Variants in ELMO2 observed in about 807,000 individuals in gnomAD.
ELMO2 encodes engulfment and cell motility protein 2.
In ELMO2, 37 loss-of-function variants were observed where a neutral mutation model predicts 96.2. The observed-to-expected ratio is 0.38, with a 90% CI of 0.30 to 0.51. The LOEUF is 0.51. Ranked by LOEUF, ELMO2 falls within the 20% of genes least tolerant of loss-of-function variation. The probability of loss-of-function intolerance (pLI) is 0.88; values close to 1 mark genes in which losing one functional copy is unlikely to be tolerated. For synonymous variants in ELMO2, 315 were observed against 329.4 expected (o/e 0.96, Z 0.47); for missense variants, 561 against 912.6 (o/e 0.61, Z 4.96).
At chr20:46,405,642 C>T (rs1228072518) in intron 1 of ELMO2, among the ~76,000 whole-genome samples, 8 of 152,146 alleles carry the variant, frequency 5.3e-5, no homozygotes, top group Admixed American at 3.3e-4. Context: ...AATCCCAGCA[C>T]TCTGGGAGGC....
intron 1 of ELMO2, among the ~76,000 whole-genome samples, chr20:46,405,049 A>C (rs1307136739): frequency 6.6e-6 from 1 of 152,094 alleles, no homozygotes; most frequent in Non-Finnish European, 1.5e-5. Flanking sequence ...GCATCTATTT[A>C]TTTGGTAAAT....
intron 10 of ELMO2, among the ~76,000 whole-genome samples, chr20:46,382,746 A>T (rs914281405): frequency 9.2e-5 from 14 of 152,220 alleles, no homozygotes; most frequent in African/African-American, 3.4e-4. Context: ...TTCCTCAGAC[A>T]TCCTTGTGAG....
intron 1 of ELMO2, among the ~76,000 whole-genome samples, chr20:46,403,036 G>A (rs760130491): frequency 6.6e-6 from 1 of 152,200 alleles, no homozygotes; most frequent in Non-Finnish European, 1.5e-5. Flanking sequence ...ACTCTACCCC[G>A]TAAAGCTGTT....
intron 16 of ELMO2, 108 bp downstream of exon 16, chr20:46,373,291 C>T (rs556795977): frequency 1.0e-5 from 15 of 1,498,456 alleles, no homozygotes; most frequent in Admixed American, 1.9e-5. Flanking sequence ...GTTCTGCAGA[C>T]CAAGCTGCTT....
intron 2 of ELMO2, among the ~76,000 whole-genome samples, chr20:46,396,018 C>A (rs1243018841): frequency 5.9e-5 from 9 of 152,354 alleles, no homozygotes; most frequent in East Asian, 5.8e-4. Flanking sequence ...TTTGAGCCAG[C>A]CTCAACTTCT....
intron 10 of ELMO2, chr20:46,382,316 G>C: frequency 7.9e-7 from 1 of 1,267,298 alleles, no homozygotes; most frequent in Non-Finnish European, 1.0e-6. Context: ...CAAGGACCGG[G>C]AAGGCAGATT....
In ELMO2 at chr20:46,368,934, T is replaced by A; in HGVS notation, c.1919A>T (p.Asp640Val). 3 of 1,614,190 alleles carry A rather than the reference T, an allele frequency of 1.9e-6. No individual in the cohort carries two copies. Among genetic ancestry groups the A allele is most frequent in the Non-Finnish European group, 2.5e-6 (3 of 1,180,028 alleles). ...GATGAAGTTTAAGGTCTCATCAGGG[T>A]CATACAGGATGGAGAAGGCCAATTC... ...VLELAFSILYDPDETLNFIAP... is the reference protein window; with the variant it reads ...VLELAFSILYVPDETLNFIAP... The change falls in exon 21 of 22, where the codon GAC becomes GTC. Residue 640 changes from aspartate to valine, a missense_variant. Transcript: ENST00000290246.
chr20:46,387,235 A>C (rs1174905357), intron 8 of ELMO2, 103 bp downstream of exon 8: 8 of 939,994 alleles, frequency 8.5e-6, no homozygotes, highest in Admixed American at 7.4e-5. Flanking sequence ...CAGGGAATAT[A>C]AAGCTGATCT....
At chr20:46,370,661 C>T (rs1568746493) in intron 19 of ELMO2, 136 bp from the exon 20 acceptor site, 5 of 793,770 alleles carry the variant, frequency 6.3e-6, no homozygotes, top group Non-Finnish European at 1.1e-5. Context: ...GCTGTATGAG[C>T]TCAGTGAGGG....
At chr20:46,393,305 T>G (rs1358695839) in intron 5 of ELMO2, among the ~76,000 whole-genome samples, 162 bp from the exon 6 acceptor site, 1 of 152,214 alleles carries the variant, frequency 6.6e-6, no homozygotes, top group African/African-American at 2.4e-5. Flanking sequence ...AAAGAATTTC[T>G]AAGATCCTCC....
intron 2 of ELMO2, among the ~76,000 whole-genome samples, chr20:46,395,692 C>A (rs534398991): frequency 3.3e-5 from 5 of 152,354 alleles, no homozygotes; most frequent in African/African-American, 1.2e-4. Context: ...CCCACAAGCC[C>A]ATCGGCCTCA....
Position 46,371,864 on chromosome 20 carries a change from G to C in ELMO2, c.1522C>G (p.Leu508Val), listed in dbSNP as rs747728081. ...KLRSLSYSEI[L>V]RLRQSERMSQ... ...ATCCTCTCAGACTGGCGCAGTCGTAGAATCTCAGAGTAACTCAGGCTACGC... is the reference window on the plus strand; with the variant it reads ...ATCCTCTCAGACTGGCGCAGTCGTACAATCTCAGAGTAACTCAGGCTACGC... The change falls in exon 17 of 22, where the codon CTA (leucine) becomes GTA (valine). Residue 508 changes from leucine (L) to valine (V), a missense_variant. By Grantham distance (32) the Leu-to-Val change is conservative. Coordinates refer to ENST00000290246, the MANE Select transcript of ELMO2 (RefSeq NM_133171.5). This position sits in a 1 kb window ranked among gnomAD's most constrained non-coding sequence, Gnocchi z 5.9. The C allele has an allele frequency of 6.2e-7, 1 of 1,614,264 alleles. No individual in the cohort carries two copies. The highest frequency in any genetic ancestry group is 8.5e-7 in the Non-Finnish European group (1 of 1,180,046).
At chr20:46,386,633 C>A (rs2060049613) in intron 8 of ELMO2, among the ~76,000 whole-genome samples, 1 of 152,196 alleles carries the variant, frequency 6.6e-6, no homozygotes, top group African/African-American at 2.4e-5. Context: ...GACACACACT[C>A]CCCCTAAACA....
intron 10 of ELMO2, among the ~76,000 whole-genome samples, chr20:46,381,723 C>T (rs1011394262): frequency 2.0e-5 from 3 of 152,154 alleles, no homozygotes; most frequent in Non-Finnish European, 2.9e-5. Context: ...TTCATCTCCT[C>T]GCAAAGCTGA....
chr20:46,387,626 T>A, intron 7 of ELMO2, 189 bp from the exon 8 acceptor site: 1 of 183,862 alleles, frequency 5.4e-6, no homozygotes, highest in Admixed American at 1.1e-4. Context: ...CAGGTATCTA[T>A]CGCTGCAAAA....
At chr20:46,373,027 C>G (rs1568750915) in intron 16 of ELMO2, 1 of 189,714 alleles carries the variant, frequency 5.3e-6, no homozygotes, top group Non-Finnish European at 1.1e-5. Context: ...GCACATCATG[C>G]CAGTCCACTC....
At chr20:46,379,818 T>G (rs2059924646) in intron 11 of ELMO2, 1 of 157,020 alleles carries the variant, frequency 6.4e-6, no homozygotes, top group Non-Finnish European at 1.4e-5. Context: ...CACACCCCAC[T>G]ATGATCACTA....
chr20:46,370,895 G>A (rs940300028), intron 19 of ELMO2, among the ~76,000 whole-genome samples: 2 of 152,140 alleles, frequency 1.3e-5, no homozygotes, highest in Non-Finnish European at 2.9e-5. Context: ...CAGTTATGCT[G>A]ACTACCTGCC....
At chr20:46,393,983 C>T in intron 4 of ELMO2, 66 bp downstream of exon 4, 1 of 1,608,342 alleles carries the variant, frequency 6.2e-7, no homozygotes, top group Non-Finnish European at 8.5e-7. Context: ...GAACTCCCCT[C>T]AAGGTGTAGG....
Sources: gnomAD v4.1 joint callset for allele counts (sites outside exome capture counted in the v4.1 genomes callset) on GRCh38, gnomAD v4.1.1 for gene constraint, Gnocchi (gnomAD v3.1) non-coding constraint, MANE v1.5 for transcripts, NCBI Gene and HGNC (gene_info 2026-07-23, HGNC 2026-07-21) for gene names.